Variants in NRG3 observed in about 807,000 individuals in gnomAD.
NRG3 encodes the protein neuregulin 3, also known as pro-neuregulin-3, membrane-bound isoform.
In NRG3, 31 loss-of-function variants were observed where a neutral mutation model predicts 66.9. The ratio of observed to expected loss-of-function variants is 0.46; its 90% CI spans 0.35 to 0.63. The LOEUF (loss-of-function observed/expected upper bound fraction) is 0.63, where lower values mean the gene tolerates loss of function less well. NRG3 is among the 20% of genes least tolerant of loss of function. NRG3 has a pLI of 0.00. For missense variants in NRG3, 910 were observed against 878.9 expected, an observed-to-expected ratio of 1.04 and a Z score of -0.45; for synonymous variants, 393 against 359.4, an observed-to-expected ratio of 1.09 and a Z score of -1.06.
intron 2 of NRG3, among the ~76,000 whole-genome samples, chr10:82,669,600 G>T (rs1469636722): frequency 6.6e-6 from 1 of 152,042 alleles, no homozygotes; most frequent in African/African-American, 2.4e-5. Context: ...GCCTTTCTGG[G>T]ACACATTCAT....
intron 1 of NRG3, among the ~76,000 whole-genome samples, chr10:81,992,933 C>T (rs1021946750): frequency 1.3e-5 from 2 of 152,154 alleles, no homozygotes; most frequent in Non-Finnish European, 2.9e-5. Context: ...GTGAGACTTG[C>T]AGTAATGAAA....
chr10:82,947,286 G>T (rs1849113739), intron 4 of NRG3, among the ~76,000 whole-genome samples: 1 of 152,022 alleles, frequency 6.6e-6, no homozygotes, highest in South Asian at 2.1e-4. Flanking sequence ...TCTATCAATA[G>T]TTCATTTCTT....
At chr10:82,306,484 A>T (rs938819428) in intron 1 of NRG3, among the ~76,000 whole-genome samples, 11 of 151,854 alleles carry the variant, frequency 7.2e-5, no homozygotes, top group Admixed American at 2.6e-4. Context: ...CGGGCGGATC[A>T]CGAGGTCAGG....
intron 1 of NRG3, among the ~76,000 whole-genome samples, chr10:82,087,584 C>A (rs2065798560): frequency 1.3e-5 from 2 of 152,138 alleles, no homozygotes; most frequent in African/African-American, 4.8e-5. Flanking sequence ...CAGATCCATA[C>A]AACATCAATG....
At chr10:82,875,184 T>C (rs1237202774) in intron 4 of NRG3, among the ~76,000 whole-genome samples, 1 of 152,188 alleles carries the variant, frequency 6.6e-6, no homozygotes, top group Non-Finnish European at 1.5e-5. Flanking sequence ...TACATGCCAT[T>C]GGGGTATAAA....
At chr10:82,353,419 C>T (rs1296145223) in intron 1 of NRG3, among the ~76,000 whole-genome samples, 1 of 152,132 alleles carries the variant, frequency 6.6e-6, no homozygotes, top group African/African-American at 2.4e-5. Context: ...TGTCTTCCAA[C>T]CCAACATTTT....
chr10:82,781,941 C>T (rs749492338), intron 3 of NRG3, among the ~76,000 whole-genome samples: 13 of 152,150 alleles, frequency 8.5e-5, no homozygotes, highest in Non-Finnish European at 1.8e-4. Flanking sequence ...CTGCCTTCAT[C>T]TCTACTTGTT....
chr10:82,578,723 A>G (rs994270102), intron 2 of NRG3, among the ~76,000 whole-genome samples: 1 of 151,798 alleles, frequency 6.6e-6, no homozygotes, highest in Non-Finnish European at 1.5e-5. Flanking sequence ...ATGGGACAAC[A>G]GTGTGCTAAA....
intron 4 of NRG3, among the ~76,000 whole-genome samples, chr10:82,931,546 C>G (rs1847579201): frequency 6.6e-6 from 1 of 152,124 alleles, no homozygotes; most frequent in African/African-American, 2.4e-5. Flanking sequence ...AGTGGAAATT[C>G]CTATATCCTC....
intron 1 of NRG3, among the ~76,000 whole-genome samples, chr10:82,174,072 C>T (rs2072847269): frequency 2.6e-5 from 4 of 152,036 alleles, no homozygotes; most frequent in Admixed American, 2.6e-4. Context: ...TCCGTCTAGC[C>T]CTCCCCAAGT....
intron 1 of NRG3, among the ~76,000 whole-genome samples, chr10:82,151,566 A>G (rs2070747195): frequency 6.6e-6 from 1 of 152,010 alleles, no homozygotes. Flanking sequence ...CCTTGATGTC[A>G]TCTTGTTGGA....
chr10:82,903,443 A>G lies in NRG3; in HGVS notation c.1054+38006A>G, dbSNP rs1311740114. Among the ~76,000 whole-genome samples the G allele has an allele frequency of 6.6e-5, 10 of 152,232 alleles. No individual in the cohort carries two copies. In the East Asian group the frequency reaches 1.4e-3, roughly 21 times the overall value. ...CATGGGACCCATACAAAGTTCTGCTAGTGATGCTGGAAGTGCTCCCAAGAA... is the reference window on the plus strand; with the variant it reads ...CATGGGACCCATACAAAGTTCTGCTGGTGATGCTGGAAGTGCTCCCAAGAA... On this transcript the variant is annotated intron_variant, in intron 4 of 8. Coordinates refer to ENST00000372141, the MANE Select transcript of NRG3 (RefSeq NM_001010848.4).
chr10:82,526,513 TA>T (rs1229865220), intron 2 of NRG3, among the ~76,000 whole-genome samples: 1 of 151,712 alleles, frequency 6.6e-6, no homozygotes, highest in East Asian at 1.9e-4. Context: ...ACCTAAAGCA[TA>T]AAGATAATGA....
chr10:82,194,885 C>T (rs1472440650), intron 1 of NRG3, among the ~76,000 whole-genome samples: 1 of 152,090 alleles, frequency 6.6e-6, no homozygotes, highest in Non-Finnish European at 1.5e-5. Flanking sequence ...TCCACAGAAC[C>T]CTCTCAGGCA....
intron 1 of NRG3, among the ~76,000 whole-genome samples, chr10:82,048,306 G>T (rs1174467961): frequency 6.6e-6 from 1 of 151,136 alleles, no homozygotes; most frequent in African/African-American, 2.4e-5. Flanking sequence ...ATTTTTTTCA[G>T]CACCACACCA....
At chr10:82,881,498 T>A (rs181862344) in intron 4 of NRG3, among the ~76,000 whole-genome samples, 1 of 152,312 alleles carries the variant, frequency 6.6e-6, no homozygotes, top group African/African-American at 2.4e-5. Flanking sequence ...CAGAAAATAA[T>A]CAAGATGTCT....
chr10:82,065,521 C>T (rs1160073139), intron 1 of NRG3, among the ~76,000 whole-genome samples: 2 of 151,884 alleles, frequency 1.3e-5, no homozygotes, highest in Admixed American at 6.6e-5. Flanking sequence ...CACAGTAATT[C>T]AATTAATTGT....
At chr10:82,279,178 C>T (rs888586996) in intron 1 of NRG3, among the ~76,000 whole-genome samples, 3 of 152,058 alleles carry the variant, frequency 2.0e-5, no homozygotes, top group Non-Finnish European at 4.4e-5. Context: ...GATGTCATTA[C>T]CAAATAAAGC....
At chr10:82,334,102 G>A (rs569100497) in intron 1 of NRG3, among the ~76,000 whole-genome samples, 1 of 149,572 alleles carries the variant, frequency 6.7e-6, no homozygotes, top group East Asian at 2.0e-4. Flanking sequence ...CCCGGAAGGC[G>A]GAGCTTGCAG....
Sources: allele counts gnomAD v4.1 joint callset (sites outside exome capture counted in the v4.1 genomes callset), GRCh38; gene constraint gnomAD v4.1.1; transcripts MANE v1.5; gene names NCBI Gene and HGNC (gene_info 2026-07-23, HGNC 2026-07-21).